HP1BP3: variants seen among roughly 807,000 people sequenced by gnomAD.
HP1BP3 encodes heterochromatin protein 1 binding protein 3.
Under a neutral mutation model 62.5 loss-of-function variants are expected in HP1BP3, and 12 were observed. The ratio of observed to expected loss-of-function variants is 0.19; its 90% CI spans 0.12 to 0.31. HP1BP3 has a LOEUF of 0.31. HP1BP3 is among the 10% of genes least tolerant of loss of function. The probability of loss-of-function intolerance (pLI) is 1.00; values close to 1 mark genes in which losing one functional copy is unlikely to be tolerated. For synonymous variants in HP1BP3, 260 were observed against 237.8 expected, an observed-to-expected ratio of 1.09 and a Z score of -0.86; for missense variants, 502 against 651.8, an observed-to-expected ratio of 0.77 and a Z score of 2.50.
chr1:20,740,404 G>C lies in HP1BP3; in HGVS notation c.*4393C>G, dbSNP rs542088566. On this transcript the variant is annotated 3_prime_UTR_variant, in exon 13 of 13. Coordinates refer to ENST00000438032, the MANE Select transcript of HP1BP3 (RefSeq NM_001372052.1). ...GGCCTCCTTTGACATACCAGTGGTT[G>C]ACAAGACAGAATTAAGAACAGTTAA... Among the ~76,000 whole-genome samples, 3 of 152,290 alleles carry C rather than the reference G, an allele frequency of 2.0e-5. No homozygotes were observed. The highest frequency in any genetic ancestry group is 7.2e-5 in the African/African-American group (3 of 41,564).
chr1:20,766,240 G>A lies in HP1BP3; in HGVS notation c.736-709C>T, dbSNP rs146726112. On this transcript the variant is annotated intron_variant, in intron 7 of 12. Coordinates refer to ENST00000438032, the MANE Select transcript of HP1BP3 (RefSeq NM_001372052.1). Reference sequence around the variant, plus strand: ...CGGAAGGCGGAGGTTGCAGAGATCCGAGATTGCATTATTGCACTCCAGCCT... The same window carrying A: ...CGGAAGGCGGAGGTTGCAGAGATCCAAGATTGCATTATTGCACTCCAGCCT... Among the ~76,000 whole-genome samples the A allele has an allele frequency of 1.4e-4, 22 of 152,098 alleles. 1 individual carries two copies. Among genetic ancestry groups the A allele is most frequent in the East Asian group, 5.8e-4 (3 of 5,154 alleles).
chr1:20,757,573 A>G (rs2056199139), intron 8 of HP1BP3, among the ~76,000 whole-genome samples: 1 of 151,444 alleles, frequency 6.6e-6, no homozygotes, highest in African/African-American at 2.4e-5. Flanking sequence ...GTTTCTCCAT[A>G]TTGGTCAGGC....
chr1:20,775,853 C>A, intron 4 of HP1BP3: 1 of 1,130,578 alleles, frequency 8.8e-7, no homozygotes, highest in Non-Finnish European at 1.2e-6. Flanking sequence ...TGTGTAAGTA[C>A]ACTTTATGAT....
chr1:20,771,077 GA>G lies in HP1BP3; in HGVS notation c.511-5del. ...CACCACTCTTCTGGAAGCATGCCTAGAAAAGATTTATTAAACTAGTTGTTTT... is the reference window on the plus strand; with the variant it reads ...CACCACTCTTCTGGAAGCATGCCTAGAAAGATTTATTAAACTAGTTGTTTT... On this transcript the variant is annotated splice_region_variant and splice_polypyrimidine_tract_variant and intron_variant, in intron 5 of 12. Coordinates refer to ENST00000438032, the MANE Select transcript of HP1BP3 (RefSeq NM_001372052.1). The G allele has an allele frequency of 6.3e-7, 1 of 1,589,972 alleles. No individual in the cohort carries two copies. The highest frequency in any genetic ancestry group is 1.4e-5 in the African/African-American group (1 of 73,506).
chr1:20,781,139 G>A (rs926729819), intron 1 of HP1BP3, among the ~76,000 whole-genome samples: 1 of 151,956 alleles, frequency 6.6e-6, no homozygotes, highest in East Asian at 1.9e-4. Flanking sequence ...AACTAGTACA[G>A]AAGAATATAA....
At chr1:20,757,539 T>C (rs2056197036) in intron 8 of HP1BP3, among the ~76,000 whole-genome samples, 1 of 151,866 alleles carries the variant, frequency 6.6e-6, no homozygotes, top group Admixed American at 6.5e-5. Context: ...ACCCGGCTAA[T>C]TTTGCATTTT....
At chr1:20,785,854 A>T (rs2057797710) in intron 1 of HP1BP3, among the ~76,000 whole-genome samples, 1 of 152,246 alleles carries the variant, frequency 6.6e-6, no homozygotes, top group Admixed American at 6.5e-5. Context: ...CAAAAAGCTA[A>T]CAAGTTTTTT....
intron 11 of HP1BP3, among the ~76,000 whole-genome samples, chr1:20,746,092 C>T (rs1427435246): frequency 3.9e-5 from 6 of 151,990 alleles, no homozygotes; most frequent in South Asian, 2.1e-4. Context: ...CAAAGGTATT[C>T]GGCAAGGATC....
chr1:20,770,469 C>A (rs991508949), intron 6 of HP1BP3, among the ~76,000 whole-genome samples: 2 of 152,076 alleles, frequency 1.3e-5, no homozygotes. Context: ...GCATGTGTCA[C>A]CAAACCCTGC....
Position 20,770,950 on chromosome 1 carries a change from T to C in HP1BP3, c.634A>G (p.Asn212Asp). 6.2e-7 allele frequency: 1 copy of C among 1,605,250 alleles called. No individual in the cohort carries two copies. The highest frequency in any genetic ancestry group is 8.5e-7 in the Non-Finnish European group (1 of 1,177,148). Residue 212 changes from asparagine to aspartate, a missense_variant, in exon 6 of 13, where the codon AAT (asparagine) becomes GAT (aspartate). Transcript: ENST00000438032. ...AATACCTGTTTGATGACTCCTCTAT[T>C]TAATTCTCTTTTCAGTGCTTGTTTA... ...LLKQALKREL[N>D]RGVIKQVKGK...
rs1382205581 is a variant in HP1BP3, at chr1:20,744,130, T to G, written c.*667A>C. ...GATATAGAGAACTTGTGCTTGCTGT[T>G]AAGGGAATGCAATACTTTGGGCCAG... On this transcript the variant is annotated 3_prime_UTR_variant, in exon 13 of 13. Coordinates refer to ENST00000438032, the MANE Select transcript of HP1BP3 (RefSeq NM_001372052.1). The G allele has an allele frequency of 6.6e-6, 1 of 152,542 alleles. No homozygotes were observed. The highest frequency in any genetic ancestry group is 1.5e-5 in the Non-Finnish European group (1 of 68,042). 9.4% of individuals were successfully genotyped at this position (152,542 alleles called of 1,614,324 possible).
chr1:20,747,959 C>T (rs1334365089), intron 10 of HP1BP3, among the ~76,000 whole-genome samples: 1 of 152,244 alleles, frequency 6.6e-6, no homozygotes, highest in East Asian at 1.9e-4. Context: ...TCAAGCAATA[C>T]TCCCACCTTG....
chr1:20,756,080 T>C (rs532813292), intron 9 of HP1BP3, among the ~76,000 whole-genome samples: 1 of 152,302 alleles, frequency 6.6e-6, no homozygotes, highest in South Asian at 2.1e-4. Flanking sequence ...AGTTGTACAA[T>C]TCTATAAAGT....
chr1:20,755,397 C>T, intron 9 of HP1BP3: 1 of 453,088 alleles, frequency 2.2e-6, no homozygotes, highest in Non-Finnish European at 4.4e-6. Flanking sequence ...CACGGCGAAA[C>T]CCCATTTCTA....
chr1:20,787,001 A>T (rs1330481837), intron 1 of HP1BP3, among the ~76,000 whole-genome samples, 194 bp downstream of exon 1: 1 of 151,878 alleles, frequency 6.6e-6, no homozygotes, highest in Non-Finnish European at 1.5e-5. Context: ...GCTAGGTCGC[A>T]GGAGAGAGGA....
At chr1:20,767,752 T>C in intron 6 of HP1BP3, 88 bp from the exon 7 acceptor site, 1 of 770,028 alleles carries the variant, frequency 1.3e-6, no homozygotes, top group Non-Finnish European at 2.1e-6. Context: ...CAAGAGCTAA[T>C]GTAAAGTGGT....
chr1:20,768,042 CCTCA>C (rs1253779174), intron 6 of HP1BP3, among the ~76,000 whole-genome samples: 2 of 151,806 alleles, frequency 1.3e-5, no homozygotes, highest in South Asian at 2.1e-4. Flanking sequence ...TAAGAAAAGC[CCTCA>C]CTGTCTTAAA....
intron 11 of HP1BP3, among the ~76,000 whole-genome samples, chr1:20,746,146 TTTGA>T (rs778577563): frequency 2.6e-5 from 4 of 151,912 alleles, no homozygotes; most frequent in Admixed American, 6.6e-5. Flanking sequence ...CCTTGATTCC[TTTGA>T]TTAACATATC....
rs1395559354 is a variant in HP1BP3 at position 20,744,755 on chromosome 1, A to C, written c.*42T>G. On this transcript the variant is annotated 3_prime_UTR_variant, in exon 13 of 13. Transcript: ENST00000438032. ...AAATGCACACTGACCTTAGAAAATAAGATTTTGAATTTCATCATGATACCC... is the reference window on the plus strand; with the variant it reads ...AAATGCACACTGACCTTAGAAAATACGATTTTGAATTTCATCATGATACCC... 1.3e-5 allele frequency: 20 copies of C among 1,518,728 alleles called. No homozygotes were observed. In the Admixed American group the frequency reaches 3.2e-4, roughly 25 times the overall value. 94.1% of individuals were successfully genotyped at this position (1,518,728 alleles called of 1,614,324 possible).
Sources: gnomAD v4.1 joint callset for allele counts (sites outside exome capture counted in the v4.1 genomes callset) on GRCh38, gnomAD v4.1.1 for gene constraint, MANE v1.5 for transcripts, NCBI Gene and HGNC (gene_info 2026-07-23, HGNC 2026-07-21) for gene names.